DOCK3: variants seen among roughly 807,000 people sequenced by gnomAD.
DOCK3 encodes dedicator of cytokinesis 3.
A neutral mutation model predicts 265.6 loss-of-function variants in DOCK3; 60 were observed. The observed-to-expected ratio is 0.23, with a 90% CI of 0.18 to 0.28. The LOEUF is 0.28. Ranked by LOEUF, DOCK3 falls within the 10% of genes least tolerant of loss-of-function variation. The pLI, the probability that DOCK3 is intolerant of heterozygous loss-of-function variation, is 1.00. For missense variants in DOCK3, 1,981 were observed against 2,594.3 expected (o/e 0.76, Z 5.14); for synonymous variants, 881 against 938.0 (o/e 0.94, Z 1.11).
intron 12 of DOCK3, among the ~76,000 whole-genome samples, chr3:51,171,158 G>T (rs2086658370): frequency 6.6e-6 from 1 of 151,700 alleles, no homozygotes; most frequent in Non-Finnish European, 1.5e-5. Context: ...TCTTTTTTCT[G>T]CAGGTAGGCA....
intron 15 of DOCK3, among the ~76,000 whole-genome samples, chr3:51,226,424 T>C (rs766226366): frequency 1.1e-4 from 16 of 152,228 alleles, no homozygotes; most frequent in South Asian, 4.1e-4. Flanking sequence ...ACCTTGCTTC[T>C]GTGTGTTGGC....
In DOCK3 at chr3:51,381,089, C is replaced by A; in HGVS notation, c.5623C>A (p.Gln1875Lys). 1 of 1,610,244 alleles carries A rather than the reference C, an allele frequency of 6.2e-7. No homozygotes were observed. Among genetic ancestry groups the A allele is most frequent in the Non-Finnish European group, 8.5e-7 (1 of 1,177,130 alleles). Residue 1875 changes from glutamine (Q) to lysine (K), a missense_variant, in exon 53 of 53, where the codon CAG becomes AAG. Physicochemically the swap from Gln to Lys is moderately conservative, Grantham distance 53. Around this residue, in one of 4 missense-constraint regions of DOCK3, gnomAD observed 1,357 missense variants for 1,866.8 expected, o/e 0.73. Coordinates refer to ENST00000266037, the MANE Select transcript of DOCK3 (RefSeq NM_004947.5). The surrounding 1 kb of genome is among the most constrained non-coding windows in gnomAD (Gnocchi z 5.6). Reference sequence around the variant, plus strand: ...TATCCCAGCCTCCCCCACAAGCCCCCAGTCAGGTCTGGACGGCAGCAACTC... The same window carrying A: ...TATCCCAGCCTCCCCCACAAGCCCCAAGTCAGGTCTGGACGGCAGCAACTC... ...HPIPASPTSP[Q>K]SGLDGSNSTL...
In DOCK3 at chr3:51,356,895, G is replaced by T. The variant is rs201403266; in HGVS notation, c.4504-67G>T. On this transcript the variant is annotated intron_variant, in intron 43 of 52. Coordinates refer to ENST00000266037, the MANE Select transcript of DOCK3 (RefSeq NM_004947.5). ...TCAATACCACAGATCTTAGACCCCA[G>T]CTCTCAGGAAGATGATGAGGGGTTA... 2.6e-5 allele frequency: 39 copies of T among 1,504,702 alleles called. No individual in the cohort carries two copies. In the East Asian group the frequency reaches 8.3e-4, roughly 32 times the overall value. The allele number at this position is 1,504,702 out of a possible 1,614,324, so 93.2% of individuals were successfully genotyped here.
chr3:50,757,996 A>G (rs1191764289), intron 1 of DOCK3, among the ~76,000 whole-genome samples: 1 of 151,862 alleles, frequency 6.6e-6, no homozygotes, highest in Non-Finnish European at 1.5e-5. Flanking sequence ...TAACACGGTG[A>G]AACCCCGTCT....
At chr3:50,734,839 G>T (rs2108162425) in intron 1 of DOCK3, among the ~76,000 whole-genome samples, 1 of 152,196 alleles carries the variant, frequency 6.6e-6, no homozygotes, top group Middle Eastern at 3.4e-3. Context: ...TCCTGACCTT[G>T]TGATCTGCCT....
intron 4 of DOCK3, among the ~76,000 whole-genome samples, chr3:50,928,128 GATAT>G (rs35440218): frequency 0.45 from 64,277 of 142,670 alleles, 14,360 homozygotes; most frequent in African/African-American, 0.5. Context: ...TTATTGTGAT[GATAT>G]ATATATATAT....
chr3:51,244,205 T>C (rs1331579026), intron 21 of DOCK3, among the ~76,000 whole-genome samples: 1 of 125,072 alleles, frequency 8.0e-6, no homozygotes, highest in Non-Finnish European at 1.7e-5. Flanking sequence ...TGTGATTCCA[T>C]ATTAGGATGG....
At chr3:51,118,107 T>G (rs2083825574) in intron 9 of DOCK3, among the ~76,000 whole-genome samples, 1 of 152,232 alleles carries the variant, frequency 6.6e-6, no homozygotes, top group Admixed American at 6.5e-5. Flanking sequence ...TGCTATAAAT[T>G]TCTCTCTAAA....
chr3:50,821,599 C>T (rs1304492016), intron 2 of DOCK3, among the ~76,000 whole-genome samples: 1 of 152,124 alleles, frequency 6.6e-6, no homozygotes, highest in Non-Finnish European at 1.5e-5. Context: ...CGTGCCTGGC[C>T]GCCTTCTAAG....
At chr3:51,124,507 T>A (rs1362671776) in intron 9 of DOCK3, among the ~76,000 whole-genome samples, 2 of 152,144 alleles carry the variant, frequency 1.3e-5, no homozygotes, top group Non-Finnish European at 2.9e-5. Flanking sequence ...GTAAGCTGAT[T>A]GTGCAGGGCC....
chr3:51,046,212 A>T (rs2080772005), intron 5 of DOCK3, among the ~76,000 whole-genome samples: 1 of 152,210 alleles, frequency 6.6e-6, no homozygotes, highest in South Asian at 2.1e-4. Context: ...AGTAGTTAAC[A>T]AACTGTTAAT....
intron 1 of DOCK3, among the ~76,000 whole-genome samples, chr3:50,711,053 G>C (rs1227319890): frequency 6.6e-6 from 1 of 152,104 alleles, no homozygotes; most frequent in Non-Finnish European, 1.5e-5. Flanking sequence ...GAAATCTCCA[G>C]TAAAGAACTT....
At chr3:50,905,396 ATGGAATGTTCTTCC>A (rs2049433790) in intron 4 of DOCK3, among the ~76,000 whole-genome samples, 1 of 152,130 alleles carries the variant, frequency 6.6e-6, no homozygotes, top group South Asian at 2.1e-4. Context: ...ATCCATGAGC[ATGGAATGTTCTTCC>A]ATTTGTTTGT....
chr3:50,760,279 C>G (rs991828769), intron 1 of DOCK3, among the ~76,000 whole-genome samples: 1 of 152,134 alleles, frequency 6.6e-6, no homozygotes, highest in Admixed American at 6.5e-5. Flanking sequence ...TTGAATGATC[C>G]TGGCACTCTT....
intron 4 of DOCK3, among the ~76,000 whole-genome samples, chr3:50,929,684 G>A (rs1559828170): frequency 6.6e-6 from 1 of 151,886 alleles, no homozygotes; most frequent in Admixed American, 6.6e-5. Context: ...ATTTTATTTT[G>A]GAGCCCAAAA....
At chr3:50,755,395 C>G (rs994219261) in intron 1 of DOCK3, among the ~76,000 whole-genome samples, 7 of 152,146 alleles carry the variant, frequency 4.6e-5, no homozygotes, top group African/African-American at 1.7e-4. Flanking sequence ...AGTTGTAACA[C>G]ATCTTAGCAG....
intron 1 of DOCK3, among the ~76,000 whole-genome samples, chr3:50,771,078 A>G (rs1284931936): frequency 6.6e-6 from 1 of 152,218 alleles, no homozygotes; most frequent in Non-Finnish European, 1.5e-5. Context: ...ACAGGCAACC[A>G]AAGCACACAT....
intron 10 of DOCK3, among the ~76,000 whole-genome samples, chr3:51,149,552 G>C (rs2085474750): frequency 6.6e-6 from 1 of 152,116 alleles, no homozygotes; most frequent in Admixed American, 6.5e-5. Context: ...AGCATGAAGG[G>C]CTATTGAATT....
chr3:50,951,760 C>T (rs924850238), intron 5 of DOCK3, among the ~76,000 whole-genome samples: 2 of 151,498 alleles, frequency 1.3e-5, no homozygotes, highest in African/African-American at 4.8e-5. Context: ...AGAGAAAACA[C>T]TGTTAAAGGA....
Sources: gnomAD v4.1 joint callset for allele counts (sites outside exome capture counted in the v4.1 genomes callset) on GRCh38, gnomAD v4.1.1 for gene constraint, gnomAD v4.1.1 regional missense constraint, Gnocchi (gnomAD v3.1) non-coding constraint, MANE v1.5 for transcripts, NCBI Gene and HGNC (gene_info 2026-07-23, HGNC 2026-07-21) for gene names.